Variants in POLN observed in about 807,000 individuals in gnomAD.
POLN encodes the protein DNA polymerase nu, also known as DNA polymerase N.
POLN carries 108 observed loss-of-function variants against 113.5 expected under a neutral mutation model. That is an observed-to-expected ratio of 0.95 (90% CI 0.81 to 1.12). POLN has a LOEUF of 1.12. Among genes scored for constraint, POLN ranks in the 50% most tolerant of loss-of-function variants. POLN has a pLI of 0.00. For missense variants in POLN, 1,097 were observed against 1,077.1 expected, an observed-to-expected ratio of 1.02 and a Z score of -0.26; for synonymous variants, 386 against 391.5, an observed-to-expected ratio of 0.99 and a Z score of 0.17.
chr4:2,210,379 G>A (rs1733959448), intron 4 of POLN, among the ~76,000 whole-genome samples: 1 of 151,630 alleles, frequency 6.6e-6, no homozygotes, highest in African/African-American at 2.4e-5. Flanking sequence ...AGGAGTTCAA[G>A]ACCAGCCTGG....
intron 2 of POLN, among the ~76,000 whole-genome samples, chr4:2,233,841 A>G (rs1404132431): frequency 1.3e-5 from 2 of 152,186 alleles, no homozygotes; most frequent in African/African-American, 2.4e-5. Flanking sequence ...CATATGGTCA[A>G]TGGTGTCTAG....
At chr4:2,125,078 G>C (rs1003520139) in intron 19 of POLN, among the ~76,000 whole-genome samples, 2 of 152,168 alleles carry the variant, frequency 1.3e-5, no homozygotes, top group African/African-American at 4.8e-5. Flanking sequence ...CCCCAGTAGA[G>C]GGGAACGAGG....
At chr4:2,173,815 G>T in intron 11 of POLN, 140 bp downstream of exon 11, 2 of 815,144 alleles carry the variant, frequency 2.5e-6, no homozygotes, top group Non-Finnish European at 4.1e-6. Flanking sequence ...CCCTGCAGGC[G>T]TCAGAAAGAG....
At chr4:2,132,943 G>C (rs938226133) in intron 16 of POLN, among the ~76,000 whole-genome samples, 1 of 152,150 alleles carries the variant, frequency 6.6e-6, no homozygotes, top group Non-Finnish European at 1.5e-5. Flanking sequence ...TAATAAATCA[G>C]CTTTTTTGAG....
rs369576163 is a variant in POLN, at chr4:2,072,235, G to A, written c.2582C>T (p.Ala861Val). ...ACATGGGCCTGGCGGAGGGCCCCAG[G>A]CCTCCTGCAGTGGCACCAGGTGTCC... Reference protein sequence around the residue: ...SWGHLVPLQEAWGPPPGPCRT... With the variant: ...SWGHLVPLQEVWGPPPGPCRT... Residue 861 changes from alanine to valine, a missense_variant, in exon 26 of 26, where the codon GCC (alanine) becomes GTC (valine). Transcript: ENST00000511885. 2 of 1,602,106 alleles carry A rather than the reference G, an allele frequency of 1.2e-6. No individual in the cohort carries two copies. The highest frequency in any genetic ancestry group is 1.7e-6 in the Non-Finnish European group (2 of 1,173,558).
Position 2,075,519 on chromosome 4 carries a change from C to T in POLN, c.2388G>A (p.Arg796=), listed in dbSNP as rs370832713. The T allele has an allele frequency of 5.7e-4, 922 of 1,613,114 alleles. No homozygotes were observed. The highest frequency in any genetic ancestry group is 7.6e-4 in the Non-Finnish European group (892 of 1,179,940). The change falls in exon 24 of 26, where the codon AGG becomes AGA. Residue 796 remains arginine, a splice_region_variant and synonymous_variant. Coordinates refer to ENST00000511885, the MANE Select transcript of POLN (RefSeq NM_181808.4). ...GCTCATCATGGATCTGGGCCACCAG[C>T]CTGGCAGGGAGGGAAGGAGTCACCC... ...AVAASHTLTA[R]LVAQIHDELL...
chr4:2,141,780 A>G (rs1472412088), intron 16 of POLN, among the ~76,000 whole-genome samples: 2 of 152,210 alleles, frequency 1.3e-5, no homozygotes, highest in Non-Finnish European at 2.9e-5. Context: ...CCAGGACCAC[A>G]GGAGCTTCCA....
At chr4:2,125,141 G>A (rs1237001360) in intron 19 of POLN, among the ~76,000 whole-genome samples, 2 of 152,166 alleles carry the variant, frequency 1.3e-5, no homozygotes, top group Non-Finnish European at 1.5e-5. Flanking sequence ...AAAATAAAAG[G>A]AACATGGATG....
At chr4:2,123,749 G>A (rs1286006599) in intron 19 of POLN, among the ~76,000 whole-genome samples, 1 of 151,374 alleles carries the variant, frequency 6.6e-6, no homozygotes, top group Non-Finnish European at 1.5e-5. Context: ...AGGTTGCAGT[G>A]AGCCAAGATC....
chr4:2,188,024 G>A lies in POLN; in HGVS notation c.1021+5180C>T, dbSNP rs139973092. On this transcript the variant is annotated intron_variant, in intron 7 of 25. Transcript: ENST00000511885. ...CCGACTACTTGGAAGGCTGATGCAGGAGGATCACTTCAGCCCAGGAATTTG... is the reference window on the plus strand; with the variant it reads ...CCGACTACTTGGAAGGCTGATGCAGAAGGATCACTTCAGCCCAGGAATTTG... 2.1e-3 allele frequency among the ~76,000 whole-genome samples: 316 copies of A among 152,282 alleles called. 2 individuals are homozygous for A. Among genetic ancestry groups the A allele is most frequent in the African/African-American group, 7.4e-3 (306 of 41,552 alleles).
rs1000437516 is a variant in POLN, at chr4:2,093,921, C to T, written c.2065+1930G>A. ...TTCTCTGTGCCAGGCAGTGAGCTAA[C>T]GTGATGAGCTCCTATCTTTGAGGTA... On this transcript the variant is annotated intron_variant, in intron 20 of 25. Coordinates refer to ENST00000511885, the MANE Select transcript of POLN (RefSeq NM_181808.4). This position sits in a 1 kb window ranked among gnomAD's most constrained non-coding sequence, Gnocchi z 4.1. 5.9e-5 allele frequency among the ~76,000 whole-genome samples: 9 copies of T among 152,168 alleles called. No homozygotes were observed. The highest frequency in any genetic ancestry group is 2.6e-4 in the Admixed American group (4 of 15,282).
In POLN at chr4:2,179,450, C is replaced by T. The variant is rs774693603; in HGVS notation, c.1037G>A (p.Gly346Glu). 2 of 1,613,176 alleles carry T rather than the reference C, an allele frequency of 1.2e-6. No individual in the cohort carries two copies. The highest frequency in any genetic ancestry group is 1.1e-5 in the South Asian group (1 of 90,692). ...CCATGCAGCAATTCTGGGATCTAGC[C>T]CTATAAAATCAGCAACTGAAGAGAA... ...GSWKHVADFI[G>E]LDPRIAAWLI... Residue 346 changes from glycine to glutamate, a missense_variant, in exon 8 of 26, where the codon GGG (glycine) becomes GAG (glutamate). Physicochemically the swap from Gly to Glu is moderately conservative, Grantham distance 98 (BLOSUM62 -2). Coordinates refer to ENST00000511885, the MANE Select transcript of POLN (RefSeq NM_181808.4).
chr4:2,229,389 C>T, intron 2 of POLN, 146 bp from the exon 3 acceptor site: 1 of 621,862 alleles, frequency 1.6e-6, no homozygotes, highest in South Asian at 3.2e-5. Flanking sequence ...CATCAATCAT[C>T]CAATAATATA....
At chr4:2,125,774 T>A (rs769673853) in intron 19 of POLN, among the ~76,000 whole-genome samples, 1 of 152,174 alleles carries the variant, frequency 6.6e-6, no homozygotes, top group Non-Finnish European at 1.5e-5. Flanking sequence ...TGGAGCTGAC[T>A]GGGTCTCAGT....
Position 2,127,437 on chromosome 4 carries a change from TG to T in POLN, c.1982+675del, listed in dbSNP as rs1302838954. Among the ~76,000 whole-genome samples, 1 of 151,854 alleles carries T rather than the reference TG, an allele frequency of 6.6e-6. No homozygotes were observed. Among genetic ancestry groups the T allele is most frequent in the Non-Finnish European group, 1.5e-5 (1 of 67,946 alleles). The stretch of plus-strand genomic sequence containing the variant: ...CAGCTGCATGACCTGCTCTAGAAAG[TG>T]GGTATAGCTGTTGTCTGCACCGGGC... On this transcript the variant is annotated intron_variant, in intron 19 of 25. Coordinates refer to ENST00000511885, the MANE Select transcript of POLN (RefSeq NM_181808.4). The surrounding 1 kb of genome is among the most constrained non-coding windows in gnomAD (Gnocchi z 4.7).
intron 16 of POLN, among the ~76,000 whole-genome samples, chr4:2,134,686 C>T (rs1731807967): frequency 6.6e-6 from 1 of 152,192 alleles, no homozygotes; most frequent in Non-Finnish European, 1.5e-5. Flanking sequence ...AGGAAACCTC[C>T]TCTAGCTCCC....
At chr4:2,166,548 A>C (rs1182296759) in intron 13 of POLN, among the ~76,000 whole-genome samples, 1 of 152,156 alleles carries the variant, frequency 6.6e-6, no homozygotes, top group Non-Finnish European at 1.5e-5. Flanking sequence ...TTTCCAGAGG[A>C]GGCTGGCATG....
chr4:2,082,232 G>A (rs542156019), intron 21 of POLN, among the ~76,000 whole-genome samples: 1 of 152,246 alleles, frequency 6.6e-6, no homozygotes, highest in East Asian at 1.9e-4. Context: ...TGGTATTACA[G>A]TGGGGAGCCA....
chr4:2,181,646 A>G (rs1198426279), intron 7 of POLN, among the ~76,000 whole-genome samples: 2 of 152,002 alleles, frequency 1.3e-5, no homozygotes, highest in Admixed American at 6.6e-5. Flanking sequence ...AAATCAAAGG[A>G]AAGAAAACAA....
Sources: allele counts gnomAD v4.1 joint callset (sites outside exome capture counted in the v4.1 genomes callset), GRCh38; gene constraint gnomAD v4.1.1; non-coding constraint Gnocchi (gnomAD v3.1); transcripts MANE v1.5; gene names NCBI Gene and HGNC (gene_info 2026-07-23, HGNC 2026-07-21).